Variants in SEC14L2 observed in about 807,000 individuals in gnomAD.
SEC14L2 encodes the protein SEC14-like protein 2.
SEC14L2 carries 50 observed loss-of-function variants against 56.9 expected under a neutral mutation model. That is an observed-to-expected ratio of 0.88 (90% CI 0.70 to 1.11). The LOEUF (loss-of-function observed/expected upper bound fraction) is 1.11, where lower values mean the gene tolerates loss of function less well. Among genes scored for constraint, SEC14L2 ranks in the 50% most tolerant of loss-of-function variants. SEC14L2 has a pLI of 0.00. For missense variants in SEC14L2, 414 were observed against 500.7 expected (o/e 0.83, Z 1.65); for synonymous variants, 179 against 188.5 (o/e 0.95, Z 0.41).
intron 8 of SEC14L2, among the ~76,000 whole-genome samples, chr22:30,411,559 AACATG>A (rs200428857): frequency 0.013 from 1,981 of 152,042 alleles, 32 homozygotes; most frequent in African/African-American, 0.045. Flanking sequence ...CAGCCTGGCC[AACATG>A]GTGAAACCCC....
At chr22:30,404,009 CAAAA>C (rs67366822) in intron 2 of SEC14L2, among the ~76,000 whole-genome samples, 1 of 93,222 alleles carries the variant, frequency 1.1e-5, no homozygotes, top group African/African-American at 3.8e-5. Flanking sequence ...GACTCCGTCT[CAAAA>C]AAAAAAAAAA....
intron 10 of SEC14L2, 73 bp from the exon 11 acceptor site, chr22:30,416,161 A>C: frequency 1.2e-6 from 2 of 1,609,208 alleles, no homozygotes; most frequent in Middle Eastern, 1.7e-4. Context: ...GAATAGGAGA[A>C]GCCCTGGTGC....
At chr22:30,418,987 T>C (rs758077218) in intron 11 of SEC14L2, among the ~76,000 whole-genome samples, 1 of 152,214 alleles carries the variant, frequency 6.6e-6, no homozygotes, top group African/African-American at 2.4e-5. Context: ...GCTTTTGTTT[T>C]CTCACCTAAT....
chr22:30,410,552 C>G (rs1236515105), intron 7 of SEC14L2, 44 bp from the exon 8 acceptor site: 1 of 1,567,878 alleles, frequency 6.4e-7, no homozygotes, highest in Admixed American at 1.7e-5. Flanking sequence ...TAGGGACAGA[C>G]TGGGCACTGC....
At position 30,422,303 on chromosome 22, in the gene SEC14L2, A is replaced by T. The variant is rs1335004566; in HGVS notation, c.1108A>T (p.Ser370Cys). 3 of 1,614,046 alleles carry T rather than the reference A, an allele frequency of 1.9e-6. No individual in the cohort carries two copies. Among genetic ancestry groups the T allele is most frequent in the Non-Finnish European group, 8.5e-7 (1 of 1,180,028 alleles). The change falls in exon 12 of 12, where the codon AGC (serine) becomes TGC (cysteine). Residue 370 changes from serine to cysteine, a missense_variant. Transcript: ENST00000615189. ...IYVLRFDNTY[S>C]FIHAKKVNFT... ...TGTCCTGCGGTTTGACAACACCTACAGCTTCATTCATGCCAAGAAGGTCAA... is the reference window on the plus strand; with the variant it reads ...TGTCCTGCGGTTTGACAACACCTACTGCTTCATTCATGCCAAGAAGGTCAA...
intron 8 of SEC14L2, among the ~76,000 whole-genome samples, chr22:30,413,292 T>C (rs915326392): frequency 3.0e-4 from 45 of 152,046 alleles, no homozygotes; most frequent in Admixed American, 1.3e-4. Flanking sequence ...TGCAGGGAAG[T>C]AGGGGCAACA....
intron 5 of SEC14L2, 86 bp downstream of exon 5, chr22:30,407,689 A>C (rs1601776931): frequency 8.0e-7 from 1 of 1,253,852 alleles, no homozygotes; most frequent in Non-Finnish European, 1.1e-6. Flanking sequence ...GAATATAAGC[A>C]CAGCTTCAGG....
intron 1 of SEC14L2, chr22:30,398,428 C>T (rs1343163239): frequency 9.1e-6 from 3 of 329,408 alleles, no homozygotes; most frequent in Admixed American, 7.8e-5. Context: ...CTGGGACTGC[C>T]CTCTAGGTCA....
chr22:30,409,187 T>C lies in SEC14L2; in HGVS notation c.424T>C (p.Leu142=), dbSNP rs779127174. 76 of 1,613,496 alleles carry C rather than the reference T, an allele frequency of 4.7e-5. 1 individual carries two copies. In the South Asian group the frequency reaches 8.0e-4, roughly 17 times the overall value. Residue 142 remains leucine (L), a splice_region_variant and synonymous_variant, in exon 6 of 12, where the codon TTG becomes CTG. Coordinates refer to ENST00000615189, the MANE Select transcript of SEC14L2 (RefSeq NM_012429.5). Reference sequence around the variant, plus strand: ...ACTTCCTGCTCTCTGTTCCCTGCAGTTGGGGAGGAAGGTGGAGACCATCAC... The same window carrying C: ...ACTTCCTGCTCTCTGTTCCCTGCAGCTGGGGAGGAAGGTGGAGACCATCAC... The part of the protein sequence containing the change: ...LQECAHQTTK[L]GRKVETITII...
At position 30,399,623 on chromosome 22, in the gene SEC14L2, C is replaced by A. The variant is rs1601768527; in HGVS notation, c.55-20C>A. 2 of 1,607,204 alleles carry A rather than the reference C, an allele frequency of 1.2e-6. No homozygotes were observed. Among genetic ancestry groups the A allele is most frequent in the Non-Finnish European group, 1.7e-6 (2 of 1,175,680 alleles). On this transcript the variant is annotated intron_variant, in intron 1 of 11. Coordinates refer to ENST00000615189, the MANE Select transcript of SEC14L2 (RefSeq NM_012429.5). ...AGTCAGGGCGGGCCCTACCACTCAC[C>A]CCGATGCCTCTCCCTACAGTTTCGG...
At chr22:30,422,093 A>G (rs951927458) in intron 11 of SEC14L2, among the ~76,000 whole-genome samples, 184 bp from the exon 12 acceptor site, 2 of 152,058 alleles carry the variant, frequency 1.3e-5, no homozygotes, top group Non-Finnish European at 2.9e-5. Context: ...TTTTCTCTCC[A>G]TGAATGTCTT....
intron 6 of SEC14L2, 43 bp downstream of exon 6, chr22:30,409,325 A>G (rs769864021): frequency 1.3e-6 from 2 of 1,598,358 alleles, no homozygotes; most frequent in South Asian, 2.2e-5. Flanking sequence ...AGGGAAGGGG[A>G]GGAGGAGTAG....
intron 5 of SEC14L2, 105 bp downstream of exon 5, chr22:30,407,708 C>G: frequency 1.0e-6 from 1 of 991,442 alleles, no homozygotes; most frequent in Non-Finnish European, 1.4e-6. Context: ...GGGCCAAGGC[C>G]CAGCCTTTTT....
intron 8 of SEC14L2, among the ~76,000 whole-genome samples, chr22:30,415,102 C>T (rs1036469009): frequency 1.3e-5 from 2 of 152,116 alleles, no homozygotes; most frequent in Non-Finnish European, 2.9e-5. Context: ...GGGGTAATAA[C>T]ATACTCTTAA....
rs1032455498 is a variant in SEC14L2, at chr22:30,398,257, C to A, written c.54+1087C>A. 4.9e-4 allele frequency among the ~76,000 whole-genome samples: 74 copies of A among 152,160 alleles called. 1 individual carries two copies. Among genetic ancestry groups the A allele is most frequent in the African/African-American group, 1.4e-3 (59 of 41,440 alleles). Reference sequence around the variant, plus strand: ...GATTAGGTGGTGATTAAACTGGAGACCAGGGGCTGGTTAGGGTCCTTGGAG... The same window carrying A: ...GATTAGGTGGTGATTAAACTGGAGAACAGGGGCTGGTTAGGGTCCTTGGAG... On this transcript the variant is annotated intron_variant, in intron 1 of 11. Transcript: ENST00000615189.
chr22:30,415,198 G>T (rs1409000309), intron 8 of SEC14L2, among the ~76,000 whole-genome samples: 1 of 152,148 alleles, frequency 6.6e-6, no homozygotes, highest in Non-Finnish European at 1.5e-5. Flanking sequence ...TTGGGAGGCC[G>T]AGGTGGGTGG....
In SEC14L2 at chr22:30,422,285, C is replaced by T. The variant is rs375854921; in HGVS notation, c.1090C>T (p.Arg364Trp). 1.4e-5 allele frequency: 22 copies of T among 1,613,968 alleles called. No homozygotes were observed. The highest frequency in any genetic ancestry group is 1.8e-5 in the Non-Finnish European group (21 of 1,179,976). Residue 364 changes from arginine (R) to tryptophan (W), a missense_variant, in exon 12 of 12, where the codon CGG becomes TGG. Arg to Trp is a moderately radical substitution (Grantham distance 101). Coordinates refer to ENST00000615189, the MANE Select transcript of SEC14L2 (RefSeq NM_012429.5). ...TTTCTGCCTTCCCTCAGATGTCCTG[C>T]GGTTTGACAACACCTACAGCTTCAT... ...TCSDPGIYVL[R>W]FDNTYSFIHA...
Position 30,407,075 on chromosome 22 carries a change from T to C in SEC14L2, c.175-20T>C. 1 of 1,613,200 alleles carries C rather than the reference T, an allele frequency of 6.2e-7. No individual in the cohort carries two copies. Among genetic ancestry groups the C allele is most frequent in the Non-Finnish European group, 8.5e-7 (1 of 1,179,488 alleles). On this transcript the variant is annotated intron_variant, in intron 3 of 11. Transcript: ENST00000615189. ...CTGTCCATCCCTCCTTTTAAAAATT[T>C]CCCCATTGTATCTTTGTAGCATGTG...
intron 2 of SEC14L2, among the ~76,000 whole-genome samples, chr22:30,404,111 C>T (rs1934026602): frequency 6.7e-6 from 1 of 150,366 alleles, no homozygotes; most frequent in Admixed American, 6.6e-5. Flanking sequence ...CATGGCCCAA[C>T]TCCCCCACCA....
Sources: gnomAD v4.1 joint callset for allele counts (sites outside exome capture counted in the v4.1 genomes callset) on GRCh38, gnomAD v4.1.1 for gene constraint, MANE v1.5 for transcripts, NCBI Gene and HGNC (gene_info 2026-07-23, HGNC 2026-07-21) for gene names.